PRDM16: variants seen among roughly 807,000 people sequenced by gnomAD.
The protein encoded by PRDM16 is histone-lysine N-methyltransferase PRDM16.
In PRDM16, 23 loss-of-function variants were observed where a neutral mutation model predicts 110.6. The observed-to-expected ratio is 0.21, with a 90% CI of 0.15 to 0.29. The LOEUF is 0.29. Among genes scored for constraint, PRDM16 ranks in the 10% least tolerant of loss-of-function variants. The pLI is 1.00. For missense variants in PRDM16, 1,615 were observed against 1,794.3 expected, an observed-to-expected ratio of 0.90 and a Z score of 1.81; for synonymous variants, 799 against 781.8, an observed-to-expected ratio of 1.02 and a Z score of -0.37.
At chr1:3,226,554 G>A (rs1639292816) in intron 2 of PRDM16, among the ~76,000 whole-genome samples, 1 of 152,188 alleles carries the variant, frequency 6.6e-6, no homozygotes, top group South Asian at 2.1e-4. Flanking sequence ...AAAAAACCTT[G>A]CAATTAATAC....
chr1:3,301,929 C>A lies in PRDM16; in HGVS notation c.438+57792C>A, dbSNP rs1320227903. 2.6e-5 allele frequency among the ~76,000 whole-genome samples: 4 copies of A among 152,298 alleles called. No homozygotes were observed. The Middle Eastern group carries it at 0.01, about 389-fold the overall frequency. ...GGAAATCCATCTGGCGCGTGTTGGT[C>A]ACCGGGGGACTGCTGACTTAGCTCC... is the stretch of plus-strand genomic sequence containing the variant. On this transcript the variant is annotated intron_variant, in intron 3 of 16. Coordinates refer to ENST00000270722, the MANE Select transcript of PRDM16 (RefSeq NM_022114.4).
chr1:3,312,378 G>GGGTGT (rs1208183016), intron 3 of PRDM16, among the ~76,000 whole-genome samples: 1 of 152,204 alleles, frequency 6.6e-6, no homozygotes, highest in African/African-American at 2.4e-5. Flanking sequence ...GGACAGGCAC[G>GGGTGT]GGTGTGGTGG....
chr1:3,180,878 AGTCTTACACACG>A (rs1569776325), intron 1 of PRDM16, among the ~76,000 whole-genome samples: 1 of 150,980 alleles, frequency 6.6e-6, no homozygotes, highest in Non-Finnish European at 1.5e-5. Context: ...TTACACACGC[AGTCTTACACACG>A]GCCTCACACA....
intron 3 of PRDM16, among the ~76,000 whole-genome samples, chr1:3,354,203 T>G (rs986902554): frequency 6.6e-6 from 1 of 152,178 alleles, no homozygotes; most frequent in Non-Finnish European, 1.5e-5. Context: ...CTCAGGCCTG[T>G]AATCCTAGCA....
chr1:3,379,999 A>T (rs1388646040), intron 3 of PRDM16, among the ~76,000 whole-genome samples: 2 of 97,192 alleles, frequency 2.1e-5, no homozygotes, highest in Non-Finnish European at 4.0e-5. Flanking sequence ...CAGCCCTCCC[A>T]GCACACCCCT....
intron 3 of PRDM16, among the ~76,000 whole-genome samples, chr1:3,325,840 C>T (rs1225476550): frequency 2.0e-5 from 3 of 152,088 alleles, no homozygotes; most frequent in Non-Finnish European, 4.4e-5. Flanking sequence ...GATCCTTGGC[C>T]CTCCTTGGCC....
At chr1:3,362,721 C>T (rs146148356) in intron 3 of PRDM16, among the ~76,000 whole-genome samples, 2 of 152,332 alleles carry the variant, frequency 1.3e-5, no homozygotes, top group East Asian at 3.9e-4. Context: ...CCTCTTGAGG[C>T]TGTCACAAAG....
rs115121336 is a variant in PRDM16, at chr1:3,398,805, A to T, written c.676+2212A>T. ...GTGGATGCTGTACCGCGGCCCACGC[A>T]CCCCTGCCAGATGAAGAGAGTTTCA... On this transcript the variant is annotated intron_variant, in intron 5 of 16. Coordinates refer to ENST00000270722, the MANE Select transcript of PRDM16 (RefSeq NM_022114.4). 7.4e-3 allele frequency among the ~76,000 whole-genome samples: 1,122 copies of T among 152,334 alleles called. 12 individuals carry two copies. The highest frequency in any genetic ancestry group is 0.026 in the African/African-American group (1,072 of 41,582).
In PRDM16 at chr1:3,143,115, A is replaced by G. The variant is rs1643583709; in HGVS notation, c.38-43010A>G. Among the ~76,000 whole-genome samples, 1 of 152,226 alleles carries G rather than the reference A, an allele frequency of 6.6e-6. No individual in the cohort carries two copies. Among genetic ancestry groups the G allele is most frequent in the Non-Finnish European group, 1.5e-5 (1 of 68,040 alleles). On this transcript the variant is annotated intron_variant, in intron 1 of 16. Coordinates refer to ENST00000270722, the MANE Select transcript of PRDM16 (RefSeq NM_022114.4). The surrounding 1 kb of genome is among the most constrained non-coding windows in gnomAD (Gnocchi z 4.5). Reference sequence around the variant, plus strand: ...AGCTCTGTCTTTTCAGTCGCCTGTCATTTAAAATGAAAGTAAGAAGGGAGA... The same window carrying G: ...AGCTCTGTCTTTTCAGTCGCCTGTCGTTTAAAATGAAAGTAAGAAGGGAGA...
Position 3,350,525 on chromosome 1 carries a change from A to G in PRDM16, c.439-34627A>G, listed in dbSNP as rs550921221. On this transcript the variant is annotated intron_variant, in intron 3 of 16. Coordinates refer to ENST00000270722, the MANE Select transcript of PRDM16 (RefSeq NM_022114.4). The surrounding 1 kb of genome is among the most constrained non-coding windows in gnomAD (Gnocchi z 7.1). ...TGTTAAGATCAAGGGCCCCGGGCTG[A>G]TGTGGCCTCCCAGCAGCCTGCAGGA... Among the ~76,000 whole-genome samples, 165 of 152,070 alleles carry G rather than the reference A, an allele frequency of 1.1e-3. No individual in the cohort carries two copies. The highest frequency in any genetic ancestry group is 1.4e-3 in the Non-Finnish European group (98 of 67,990).
intron 1 of PRDM16, among the ~76,000 whole-genome samples, chr1:3,114,315 G>T (rs111941896): frequency 9.1e-6 from 1 of 109,346 alleles, no homozygotes; most frequent in Non-Finnish European, 1.8e-5. Flanking sequence ...GCACACACAC[G>T]CACACACGCA....
At chr1:3,367,661 G>A (rs1445892772) in intron 3 of PRDM16, among the ~76,000 whole-genome samples, 1 of 152,190 alleles carries the variant, frequency 6.6e-6, no homozygotes, top group East Asian at 1.9e-4. Flanking sequence ...CTTCCCCGCT[G>A]TAGACTACGT....
chr1:3,121,838 T>C (rs1209291883), intron 1 of PRDM16, among the ~76,000 whole-genome samples: 1 of 152,074 alleles, frequency 6.6e-6, no homozygotes, highest in Non-Finnish European at 1.5e-5. Context: ...CCGGAATGTG[T>C]GGCCCTGGCG....
chr1:3,273,520 T>C (rs907981520), intron 3 of PRDM16, among the ~76,000 whole-genome samples: 1 of 151,994 alleles, frequency 6.6e-6, no homozygotes, highest in African/African-American at 2.4e-5. Context: ...TACATGTCCA[T>C]GTGTGTACGT....
intron 2 of PRDM16, among the ~76,000 whole-genome samples, chr1:3,238,749 G>A (rs567672352): frequency 1.2e-4 from 19 of 152,340 alleles, no homozygotes; most frequent in African/African-American, 2.4e-4. Flanking sequence ...TGCAAGTCCC[G>A]GGTGGAAGGG....
intron 1 of PRDM16, among the ~76,000 whole-genome samples, chr1:3,150,389 C>CAAAAA (rs34595741): frequency 9.6e-6 from 1 of 104,498 alleles, no homozygotes. Context: ...AACCCCATCT[C>CAAAAA]AAAAAAAAAA....
rs1035007353 is a variant in PRDM16, at chr1:3,243,253, C to T, written c.388-834C>T. Among the ~76,000 whole-genome samples the T allele has an allele frequency of 1.3e-5, 2 of 152,332 alleles. No homozygotes were observed. The highest frequency in any genetic ancestry group is 3.9e-4 in the East Asian group (2 of 5,178). On this transcript the variant is annotated intron_variant, in intron 2 of 16. Transcript: ENST00000270722. The surrounding 1 kb of genome is among the most constrained non-coding windows in gnomAD (Gnocchi z 5.5). ...GGCACCTGCATGGCACTAGGCACAG[C>T]GGCTTTTCTGCCTTAGCTCCATTTC...
Position 3,315,238 on chromosome 1 carries a change from G to T in PRDM16, c.439-69914G>T, listed in dbSNP as rs947041137. On this transcript the variant is annotated intron_variant, in intron 3 of 16. Coordinates refer to ENST00000270722, the MANE Select transcript of PRDM16 (RefSeq NM_022114.4). ...TCTTTGCCTTTCCAAGTTTTTGAAC[G>T]TCTACAGCGCAACTCCACAGCAGCC... Among the ~76,000 whole-genome samples, 3 of 131,520 alleles carry T rather than the reference G, an allele frequency of 2.3e-5. No homozygotes were observed. In the Admixed American group the frequency reaches 2.4e-4, roughly 11 times the overall value. The allele number at this position is 131,520 out of a possible 152,430, so 86.3% of individuals were successfully genotyped here. A position where few individuals can be genotyped will look rare whatever the true frequency, so the allele number is the denominator to read the frequency against.
At chr1:3,078,227 CA>C (rs1312928677) in intron 1 of PRDM16, among the ~76,000 whole-genome samples, 2 of 152,148 alleles carry the variant, frequency 1.3e-5, no homozygotes, top group African/African-American at 4.8e-5. Flanking sequence ...ACCTGCATGT[CA>C]GGGGGCAGAG....
Sources: gnomAD v4.1 joint callset for allele counts (sites outside exome capture counted in the v4.1 genomes callset) on GRCh38, gnomAD v4.1.1 for gene constraint, Gnocchi (gnomAD v3.1) non-coding constraint, MANE v1.5 for transcripts, NCBI Gene and HGNC (gene_info 2026-07-23, HGNC 2026-07-21) for gene names.